The following RAPGEF6 variants were observed in gnomAD, a reference collection of about 807,000 sequenced individuals.
RAPGEF6 encodes PDZ domain containing guanine nucleotide exchange factor (GEF) 2.
RAPGEF6 carries 56 observed loss-of-function variants against 171.4 expected under a neutral mutation model. The ratio of observed to expected loss-of-function variants is 0.33; its 90% CI spans 0.26 to 0.41. RAPGEF6 has a LOEUF of 0.41. Ranked by LOEUF, RAPGEF6 falls within the 10% of genes least tolerant of loss-of-function variation. The probability of loss-of-function intolerance (pLI) is 1.00; values close to 1 mark genes in which losing one functional copy is unlikely to be tolerated. For missense variants in RAPGEF6, 1,674 were observed against 1,921.4 expected (o/e 0.87, Z 2.41); for synonymous variants, 692 against 650.1 (o/e 1.06, Z -0.98).
At chr5:131,623,241 C>A (rs1012748815) in intron 1 of RAPGEF6, among the ~76,000 whole-genome samples, 2 of 152,168 alleles carry the variant, frequency 1.3e-5, no homozygotes, top group African/African-American at 2.4e-5. Context: ...TGAAGCCATG[C>A]AGAAAAGGAA....
At position 131,595,300 on chromosome 5, in the gene RAPGEF6, G is replaced by A. The variant is rs920458871; in HGVS notation, c.198-2834C>T. On this transcript the variant is annotated intron_variant, in intron 3 of 27. Transcript: ENST00000509018. ...ATTCTCTCTCTGTCTCCTGCTCACC[G>A]TGGTAAGGAGTGCTTGTTTCCCCTT... is the stretch of plus-strand genomic sequence containing the variant. 3.3e-5 allele frequency among the ~76,000 whole-genome samples: 5 copies of A among 151,254 alleles called. 1 individual carries two copies. The highest frequency in any genetic ancestry group is 3.3e-4 in the Admixed American group (5 of 15,174).
chr5:131,549,316 C>CA (rs557466902), intron 5 of RAPGEF6, among the ~76,000 whole-genome samples: 318 of 152,184 alleles, frequency 2.1e-3, no homozygotes, highest in Non-Finnish European at 4.2e-3. Flanking sequence ...CTGCTAATGT[C>CA]AGAGTTCTTG....
chr5:131,615,050 G>A (rs1765179831), intron 1 of RAPGEF6, among the ~76,000 whole-genome samples: 1 of 152,162 alleles, frequency 6.6e-6, no homozygotes, highest in Non-Finnish European at 1.5e-5. Context: ...GGGTTGTAGG[G>A]ACCAGCAGTC....
At chr5:131,478,788 T>G (rs1755275425) in intron 16 of RAPGEF6, among the ~76,000 whole-genome samples, 1 of 152,234 alleles carries the variant, frequency 6.6e-6, no homozygotes, top group Admixed American at 6.5e-5. Context: ...CCAGGAACTT[T>G]CAGGAGGCAA....
intron 19 of RAPGEF6, among the ~76,000 whole-genome samples, chr5:131,457,648 C>T (rs1451557663): frequency 6.6e-6 from 1 of 152,232 alleles, no homozygotes; most frequent in Middle Eastern, 3.4e-3. Context: ...AAATGTGGAT[C>T]AAAAATACAG....
chr5:131,464,711 C>T (rs1382878520), intron 17 of RAPGEF6, among the ~76,000 whole-genome samples: 11 of 152,058 alleles, frequency 7.2e-5, no homozygotes, highest in Admixed American at 7.2e-4. Flanking sequence ...TTATGATATG[C>T]CCCGTTACCC....
At chr5:131,534,893 C>A (rs1475736917) in intron 6 of RAPGEF6, among the ~76,000 whole-genome samples, 5 of 151,884 alleles carry the variant, frequency 3.3e-5, no homozygotes, top group African/African-American at 1.2e-4. Context: ...TATATTATAG[C>A]CGAATCAAAA....
intron 6 of RAPGEF6, among the ~76,000 whole-genome samples, chr5:131,539,510 T>G (rs1339950279): frequency 1.3e-5 from 2 of 152,186 alleles, no homozygotes; most frequent in East Asian, 3.8e-4. Context: ...GTCCTCTAGT[T>G]TCTCATGAGG....
At chr5:131,571,429 A>C (rs934031286) in intron 4 of RAPGEF6, among the ~76,000 whole-genome samples, 1 of 152,232 alleles carries the variant, frequency 6.6e-6, no homozygotes, top group Non-Finnish European at 1.5e-5. Context: ...ACAGATGACA[A>C]GATCACTTAC....
intron 15 of RAPGEF6, among the ~76,000 whole-genome samples, chr5:131,487,969 G>A (rs967169760): frequency 4.6e-5 from 7 of 152,164 alleles, no homozygotes; most frequent in Admixed American, 4.6e-4. Flanking sequence ...TAGAAAGAGA[G>A]TAAACTGAGA....
intron 5 of RAPGEF6, among the ~76,000 whole-genome samples, chr5:131,560,724 A>G (rs1761544744): frequency 6.6e-6 from 1 of 152,244 alleles, no homozygotes; most frequent in East Asian, 1.9e-4. Context: ...TGCAGGCAGT[A>G]CTCTGCGATA....
chr5:131,634,532 CTT>C (rs917843033), intron 1 of RAPGEF6, among the ~76,000 whole-genome samples: 1 of 151,986 alleles, frequency 6.6e-6, no homozygotes, highest in Non-Finnish European at 1.5e-5. Context: ...AAAACTTTAT[CTT>C]TTTTTTAGGC....
intron 15 of RAPGEF6, among the ~76,000 whole-genome samples, chr5:131,484,494 C>T (rs550051576): frequency 3.9e-5 from 6 of 152,126 alleles, no homozygotes; most frequent in South Asian, 2.1e-4. Context: ...GGATTACAGG[C>T]GTGAGCCACT....
chr5:131,534,342 GCTACTTAT>G (rs1759609555), intron 6 of RAPGEF6, among the ~76,000 whole-genome samples: 1 of 152,012 alleles, frequency 6.6e-6, no homozygotes. Flanking sequence ...GAATTACACT[GCTACTTAT>G]AAAACTAGAA....
intron 4 of RAPGEF6, among the ~76,000 whole-genome samples, chr5:131,563,045 C>A (rs1420496894): frequency 6.6e-6 from 1 of 150,826 alleles, no homozygotes; most frequent in African/African-American, 2.4e-5. Context: ...TAAAAGATAA[C>A]CTGAATTTTT....
intron 15 of RAPGEF6, 131 bp from the exon 16 acceptor site, chr5:131,479,884 C>CT (rs1755353414): frequency 3.3e-6 from 3 of 919,042 alleles, no homozygotes; most frequent in Non-Finnish European, 4.8e-6. Context: ...CAACTAAACA[C>CT]TGTCAAGTAT....
At chr5:131,607,995 T>A (rs891634036) in intron 1 of RAPGEF6, among the ~76,000 whole-genome samples, 1 of 152,200 alleles carries the variant, frequency 6.6e-6, no homozygotes, top group Non-Finnish European at 1.5e-5. Context: ...GAAAAAATCA[T>A]TGTAGTAGTC....
chr5:131,472,904 A>G, intron 16 of RAPGEF6, 160 bp from the exon 17 acceptor site: 1 of 601,976 alleles, frequency 1.7e-6, no homozygotes, highest in Non-Finnish European at 2.8e-6. Context: ...TGTAATGATG[A>G]AAATGGCACT....
Position 131,459,135 on chromosome 5 carries a change from T to A in RAPGEF6, c.2864+2570A>T, listed in dbSNP as rs1359681467. On this transcript the variant is annotated intron_variant, in intron 19 of 27. Transcript: ENST00000509018. ...CTAAAACAGTAAATGAATAGACAAATCAATGAAGCAATGAGTGCAGACATA... is the reference window on the plus strand; with the variant it reads ...CTAAAACAGTAAATGAATAGACAAAACAATGAAGCAATGAGTGCAGACATA... Among the ~76,000 whole-genome samples the A allele has an allele frequency of 2.6e-5, 4 of 152,080 alleles. No homozygotes were observed. The East Asian group carries it at 5.8e-4, about 22-fold the overall frequency.
Sources: allele counts gnomAD v4.1 joint callset (sites outside exome capture counted in the v4.1 genomes callset), GRCh38; gene constraint gnomAD v4.1.1; transcripts MANE v1.5; gene names NCBI Gene and HGNC (gene_info 2026-07-23, HGNC 2026-07-21).